Variants in LCT observed in about 807,000 individuals in gnomAD.
LCT encodes the protein lactase/phlorizin hydrolase.
A neutral mutation model predicts 173.0 loss-of-function variants in LCT; 90 were observed. That is an observed-to-expected ratio of 0.52 (90% confidence interval 0.44 to 0.62). LCT has a LOEUF of 0.62. Ranked by LOEUF, LCT falls within the 20% of genes least tolerant of loss-of-function variation. The probability of loss-of-function intolerance (pLI) is 0.00; values close to 1 mark genes in which losing one functional copy is unlikely to be tolerated. For synonymous variants in LCT, 853 were observed against 957.6 expected (o/e 0.89, Z 2.02); for missense variants, 1,864 against 2,431.4 (o/e 0.77, Z 4.91).
chr2:135,815,826 A>G (rs1193612904), intron 6 of LCT, among the ~76,000 whole-genome samples: 1 of 151,904 alleles, frequency 6.6e-6, no homozygotes, highest in African/African-American at 2.4e-5. Context: ...CAGCCTCCCA[A>G]GTAGATGGGA....
At position 135,821,102 on chromosome 2, in the gene LCT, C is replaced by T. The variant is rs547261249; in HGVS notation, c.986+918G>A. 2.0e-5 allele frequency among the ~76,000 whole-genome samples: 3 copies of T among 152,184 alleles called. No individual in the cohort carries two copies. The East Asian group carries it at 5.8e-4, about 29-fold the overall frequency. ...TTCACTGTGTTAGCCAGGATGGTCT[C>T]GATCTCCTGACCTCGTGATCCACCC... On this transcript the variant is annotated intron_variant, in intron 5 of 16. Coordinates refer to ENST00000264162, the MANE Select transcript of LCT (RefSeq NM_002299.4).
chr2:135,834,561 G>T (rs1327571580), intron 1 of LCT, among the ~76,000 whole-genome samples: 1 of 148,894 alleles, frequency 6.7e-6, no homozygotes, highest in Non-Finnish European at 1.5e-5. Flanking sequence ...TCCGAGGCGG[G>T]CGGATCACCT....
intron 8 of LCT, among the ~76,000 whole-genome samples, chr2:135,807,930 C>G (rs2077691786): frequency 6.6e-6 from 1 of 152,040 alleles, no homozygotes; most frequent in South Asian, 2.1e-4. Context: ...GAGTTTGAAA[C>G]CAGCCTGGCC....
At chr2:135,835,883 G>A (rs1679333797) in intron 1 of LCT, among the ~76,000 whole-genome samples, 1 of 150,006 alleles carries the variant, frequency 6.7e-6, no homozygotes, top group Admixed American at 6.7e-5. Flanking sequence ...TCCAAGTCAG[G>A]GTAGCAGGAC....
rs201459953 is a variant in LCT at position 135,807,178 on chromosome 2, C to T, written c.4123G>A (p.Gly1375Arg). 3.1e-6 allele frequency: 5 copies of T among 1,614,192 alleles called. No individual in the cohort carries two copies. Among genetic ancestry groups the T allele is most frequent in the Non-Finnish European group, 4.2e-6 (5 of 1,180,020 alleles). The change falls in exon 9 of 17, where the codon GGA becomes AGA. Residue 1375 changes from glycine (G) to arginine (R), a missense_variant. Physicochemically the swap from Gly to Arg is moderately radical, Grantham distance 125 (BLOSUM62 -2). This residue lies in a region of LCT where 514 missense variants were observed against 750.1 expected (regional missense o/e 0.69). Coordinates refer to ENST00000264162, the MANE Select transcript of LCT (RefSeq NM_002299.4). ...PLAREDEFLY[G>R]RFPEGFIWSA... ...CAGATGAAGCCCTCAGGAAACCGTC[C>T]GTACAGAAACTCATCCTCCCTGGCC...
At chr2:135,833,062 A>G (rs1269472809) in intron 2 of LCT, 49 bp downstream of exon 2, 1 of 1,390,480 alleles carries the variant, frequency 7.2e-7, no homozygotes. Flanking sequence ...AAAAAATTAA[A>G]ATCAAACTCT....
intron 14 of LCT, among the ~76,000 whole-genome samples, chr2:135,792,350 CTCAACTTATTAATT>C (rs2077539340): frequency 6.6e-6 from 1 of 152,152 alleles, no homozygotes; most frequent in African/African-American, 2.4e-5. Context: ...AAGCTTCTAG[CTCAACTTATTAATT>C]TCAACTAGAA....
rs55900419 is a variant in LCT, at chr2:135,835,482, GTATATATATATATATATA to G, written c.640+1030_640+1047del. Among the ~76,000 whole-genome samples, 148 of 67,970 alleles carry G rather than the reference GTATATATATATATATATA, an allele frequency of 2.2e-3. 5 individuals are homozygous for G. Among genetic ancestry groups the G allele is most frequent in the Middle Eastern group, 0.011 (2 of 178 alleles). 44.6% of individuals were successfully genotyped at this position (67,970 alleles called of 152,430 possible). A position where few individuals can be genotyped will look rare whatever the true frequency, so the allele number is the denominator to read the frequency against. ...TAAAATGAAAAAGTAGAACATAGAA[GTATATATATATATATATA>G]TATATATATATATATATATATATAT... On this transcript the variant is annotated intron_variant, in intron 1 of 16. Coordinates refer to ENST00000264162, the MANE Select transcript of LCT (RefSeq NM_002299.4).
chr2:135,821,881 T>G (rs2077835439), intron 5 of LCT, 139 bp downstream of exon 5: 1 of 673,304 alleles, frequency 1.5e-6, no homozygotes, highest in Non-Finnish European at 2.7e-6. Context: ...AGTCTTTGTT[T>G]CTCATCAATT....
chr2:135,801,469 C>A (rs567060715), intron 11 of LCT, among the ~76,000 whole-genome samples: 2 of 152,020 alleles, frequency 1.3e-5, no homozygotes, highest in African/African-American at 2.4e-5. Flanking sequence ...AATCCCAGCA[C>A]TTTGGGAGGC....
At chr2:135,807,676 C>T (rs2077688773) in intron 8 of LCT, among the ~76,000 whole-genome samples, 1 of 151,974 alleles carries the variant, frequency 6.6e-6, no homozygotes, top group Non-Finnish European at 1.5e-5. Context: ...AAGTTAAGCC[C>T]AATGCATCTG....
In LCT at chr2:135,796,515, T is replaced by A. The variant is rs147766238; in HGVS notation, c.4976+1514A>T. Among the ~76,000 whole-genome samples the A allele has an allele frequency of 5.9e-3, 902 of 152,318 alleles. 4 individuals carry two copies. Among genetic ancestry groups the A allele is most frequent in the Middle Eastern group, 0.034 (10 of 294 alleles). ...CCCCACTCATTCTTACCTCTAGGCC[T>A]GTCTTCACAACTCTGCCCCGTGGAA... On this transcript the variant is annotated intron_variant, in intron 13 of 16. Coordinates refer to ENST00000264162, the MANE Select transcript of LCT (RefSeq NM_002299.4).
Position 135,800,719 on chromosome 2 carries a change from A to G in LCT, c.4754T>C (p.Val1585Ala). The G allele has an allele frequency of 6.2e-7, 1 of 1,614,136 alleles. No individual in the cohort carries two copies. Among genetic ancestry groups the G allele is most frequent in the Non-Finnish European group, 8.5e-7 (1 of 1,180,008 alleles). The change falls in exon 12 of 17, where the codon GTG becomes GCG. Residue 1585 changes from valine to alanine, a missense_variant. This residue lies in a region of LCT where 514 missense variants were observed against 750.1 expected (regional missense o/e 0.69). Coordinates refer to ENST00000264162, the MANE Select transcript of LCT (RefSeq NM_002299.4). Reference sequence around the variant, plus strand: ...CACGCCACCTTGACTGGCGCGGTACACATCGTTGTACAGATGCCAGGCCTC... The same window carrying G: ...CACGCCACCTTGACTGGCGCGGTACGCATCGTTGTACAGATGCCAGGCCTC... ...HAEAWHLYND[V>A]YRASQGGVIS...
At chr2:135,830,249 C>A (rs2077924995) in intron 2 of LCT, among the ~76,000 whole-genome samples, 1 of 152,146 alleles carries the variant, frequency 6.6e-6, no homozygotes. Context: ...GCAGAGACAA[C>A]CCTCATGGTC....
chr2:135,804,019 C>A lies in LCT; in HGVS notation c.4574G>T (p.Arg1525Met). Reference sequence around the variant, plus strand: ...CCAAAACTTCACCTTGTCTCCCAGCCTCTGGAAGAGCACATCTGCATACTC... The same window carrying A: ...CCAAAACTTCACCTTGTCTCCCAGCATCTGGAAGAGCACATCTGCATACTC... Reference protein sequence around the residue: ...FKEYADVLFQRLGDKVKFWIT... With the variant: ...FKEYADVLFQMLGDKVKFWIT... The change falls in exon 11 of 17, where the codon AGG becomes ATG. Residue 1525 changes from arginine (R) to methionine (M), a missense_variant. Coordinates refer to ENST00000264162, the MANE Select transcript of LCT (RefSeq NM_002299.4). 3 of 1,612,944 alleles carry A rather than the reference C, an allele frequency of 1.9e-6. No individual in the cohort carries two copies. The highest frequency in any genetic ancestry group is 2.5e-6 in the Non-Finnish European group (3 of 1,179,036).
chr2:135,799,154 C>G (rs535795777), intron 12 of LCT, among the ~76,000 whole-genome samples: 1 of 152,000 alleles, frequency 6.6e-6, no homozygotes, highest in Non-Finnish European at 1.5e-5. Context: ...AAAATTAAGC[C>G]CTTCGTTGCA....
chr2:135,795,027 G>C (rs1326355393), intron 13 of LCT, among the ~76,000 whole-genome samples: 1 of 95,618 alleles, frequency 1.0e-5, no homozygotes, highest in Non-Finnish European at 2.1e-5. Context: ...ACACACACAC[G>C]CACCCACGCG....
chr2:135,814,084 G>A (rs1353671134), intron 6 of LCT, among the ~76,000 whole-genome samples: 2 of 152,172 alleles, frequency 1.3e-5, no homozygotes, highest in African/African-American at 4.8e-5. Flanking sequence ...ATAAAGCATT[G>A]AGCAGAAACT....
At chr2:135,813,592 A>G (rs1167378477) in intron 6 of LCT, among the ~76,000 whole-genome samples, 3 of 152,244 alleles carry the variant, frequency 2.0e-5, no homozygotes, top group African/African-American at 7.2e-5. Flanking sequence ...AGAGATGGTG[A>G]AAACAAGATC....
Sources: gnomAD v4.1 joint callset for allele counts (sites outside exome capture counted in the v4.1 genomes callset) on GRCh38, gnomAD v4.1.1 for gene constraint, gnomAD v4.1.1 regional missense constraint, MANE v1.5 for transcripts, NCBI Gene and HGNC (gene_info 2026-07-23, HGNC 2026-07-21) for gene names.